Variants in TTLL4 observed in about 807,000 individuals in gnomAD.
The protein encoded by TTLL4 is tubulin tyrosine ligase like 4, also known as tubulin monoglutamylase TTLL4.
Under a neutral mutation model 122.7 loss-of-function variants are expected in TTLL4, and 85 were observed. That is an observed-to-expected ratio of 0.69 (90% CI 0.58 to 0.83). The LOEUF (loss-of-function observed/expected upper bound fraction) is 0.83. Ranked by LOEUF, TTLL4 falls within the 40% of genes least tolerant of loss-of-function variation. The pLI, the probability that TTLL4 is intolerant of heterozygous loss-of-function variation, is 0.00. For missense variants in TTLL4, 1,363 were observed against 1,488.6 expected, an observed-to-expected ratio of 0.92 and a Z score of 1.39; for synonymous variants, 553 against 563.0, an observed-to-expected ratio of 0.98 and a Z score of 0.25.
chr2:218,748,654 C>CAA (rs570493846), intron 12 of TTLL4, 182 bp from the exon 13 acceptor site: 8,255 of 227,190 alleles, frequency 0.036, 232 homozygotes, highest in African/African-American at 0.13. Context: ...AACTCCATCT[C>CAA]AAAAAAAAAA....
chr2:218,753,463 G>A, intron 18 of TTLL4, 121 bp from the exon 19 acceptor site: 2 of 1,031,282 alleles, frequency 1.9e-6, no homozygotes, highest in East Asian at 4.8e-5. Context: ...ATGCCTGAGG[G>A]GTAGGGAAGG....
At chr2:218,758,388 G>A (rs943093408), downstream of TTLL4, among the ~76,000 whole-genome samples, 3 of 152,164 alleles carry the variant, frequency 2.0e-5, no homozygotes, top group African/African-American at 7.2e-5. Context: ...CTAACAAGGT[G>A]CCTGATAATA....
At position 218,748,829 on chromosome 2, in the gene TTLL4, T is replaced by G. The variant is rs775194388; in HGVS notation, c.2502-7T>G. 1 of 1,613,254 alleles carries G rather than the reference T, an allele frequency of 6.2e-7. No homozygotes were observed. On this transcript the variant is annotated splice_region_variant and splice_polypyrimidine_tract_variant and intron_variant, in intron 12 of 19. Coordinates refer to ENST00000392102, the MANE Select transcript of TTLL4 (RefSeq NM_014640.5). ...AATTCCTAATACTTCCTCTTCCTCC[T>G]CTGCAGGGCACTGAAGGCTTTGTGG...
At chr2:218,736,124 G>A (rs755760540) in intron 2 of TTLL4, among the ~76,000 whole-genome samples, 8 of 149,712 alleles carry the variant, frequency 5.3e-5, no homozygotes, top group African/African-American at 1.5e-4. Context: ...ACAGGCATGC[G>A]CCACCATACC....
chr2:218,719,875 A>G (rs1054683252), intron 1 of TTLL4, among the ~76,000 whole-genome samples: 1 of 152,228 alleles, frequency 6.6e-6, no homozygotes, highest in Non-Finnish European at 1.5e-5. Flanking sequence ...GGAAGGGCAC[A>G]CCTTGGAGAC....
chr2:218,750,210 A>G, intron 15 of TTLL4, 64 bp downstream of exon 15: 1 of 1,577,774 alleles, frequency 6.3e-7, no homozygotes, highest in Non-Finnish European at 8.6e-7. Context: ...AGTTTCTGGG[A>G]AGGAATGGGT....
chr2:218,720,126 T>G (rs1941988753), intron 1 of TTLL4, among the ~76,000 whole-genome samples: 1 of 152,072 alleles, frequency 6.6e-6, no homozygotes, highest in Non-Finnish European at 1.5e-5. Context: ...TTTGACACAC[T>G]AGATTGAAGT....
In TTLL4 at chr2:218,754,604, C is replaced by T. The variant is rs1053680385; in HGVS notation, c.*215C>T. 47 of 648,716 alleles carry T rather than the reference C, an allele frequency of 7.2e-5. No homozygotes were observed. The Admixed American group carries it at 1.2e-3, about 17-fold the overall frequency. The allele number at this position is 648,716 out of a possible 1,614,324, so 40.2% of individuals were successfully genotyped here. A position where few individuals can be genotyped will look rare whatever the true frequency, so the allele number is the denominator to read the frequency against. On this transcript the variant is annotated 3_prime_UTR_variant, in exon 20 of 20. Transcript: ENST00000392102. ...GGTGAGGAAGGGTCACCCTCTGTCA[C>T]CTGTCTGCCTGGCTGGCACCTCATA...
At chr2:218,714,074 A>G (rs1941788530) in intron 1 of TTLL4, among the ~76,000 whole-genome samples, 1 of 152,108 alleles carries the variant, frequency 6.6e-6, no homozygotes. Context: ...AGAGTTGAGA[A>G]TATAGGAGGT....
rs747867167 is a variant in TTLL4, at chr2:218,753,132, A to T, written c.3205A>T (p.Ser1069Cys). Residue 1069 changes from serine to cysteine, a missense_variant, in exon 18 of 20, where the codon AGT becomes TGT. Ser to Cys is a moderately radical substitution (Grantham distance 112, BLOSUM62 -1). Around this residue, in one of 3 missense-constraint regions of TTLL4, gnomAD observed 596 missense variants for 655.8 expected, o/e 0.91. Transcript: ENST00000392102. ...NKLKGVDLLR[S>C]WCYKGFHMGV... ...TGTCCTAGGAGTAGATCTGCTCCGG[A>T]GTTGGTGCTACAAAGGGTTCCACAT... 1 of 1,613,910 alleles carries T rather than the reference A, an allele frequency of 6.2e-7. No homozygotes were observed. Among genetic ancestry groups the T allele is most frequent in the East Asian group, 2.2e-5 (1 of 44,848 alleles).
At chr2:218,723,374 TA>T (rs1942099494) in intron 1 of TTLL4, among the ~76,000 whole-genome samples, 1 of 152,226 alleles carries the variant, frequency 6.6e-6, no homozygotes, top group African/African-American at 2.4e-5. Flanking sequence ...GAATCACATT[TA>T]AATAGCATTT....
intron 8 of TTLL4, 23 bp from the exon 9 acceptor site, chr2:218,746,980 A>C (rs755475859): frequency 6.2e-7 from 1 of 1,611,218 alleles, no homozygotes; most frequent in Non-Finnish European, 8.5e-7. Flanking sequence ...CTCTTCCTGC[A>C]CTCACCCTTT....
At chr2:218,748,314 T>A in intron 12 of TTLL4, 87 bp downstream of exon 12, 1 of 1,550,872 alleles carries the variant, frequency 6.4e-7, no homozygotes, top group Non-Finnish European at 8.7e-7. Flanking sequence ...GCATGGCGAG[T>A]GGAGGATTAA....
rs763574915 is a variant in TTLL4 at position 218,752,887 on chromosome 2, G to A, written c.3101G>A (p.Arg1034His). ...ATTTTTCCTTCTCATATCTCCTCTC[G>A]CTATCTCCGCTTTTTTGAGCAGCCA... is the stretch of plus-strand genomic sequence containing the variant. ...ERIFPSHISS[R>H]YLRFFEQPRY... Residue 1034 changes from arginine to histidine, a missense_variant, in exon 17 of 20, where the codon CGC becomes CAC. This residue lies in a region of TTLL4 where 596 missense variants were observed against 655.8 expected (regional missense o/e 0.91). Coordinates refer to ENST00000392102, the MANE Select transcript of TTLL4 (RefSeq NM_014640.5). 69 of 1,613,916 alleles carry A rather than the reference G, an allele frequency of 4.3e-5. No homozygotes were observed. The highest frequency in any genetic ancestry group is 1.8e-4 in the East Asian group (8 of 44,896).
At chr2:218,743,702 G>A (rs1942764332) in intron 5 of TTLL4, among the ~76,000 whole-genome samples, 1 of 150,858 alleles carries the variant, frequency 6.6e-6, no homozygotes, top group Non-Finnish European at 1.5e-5. Flanking sequence ...TTTTTGAGAT[G>A]GAGTTTTGCT....
At chr2:218,732,820 G>T (rs1000884031) in intron 2 of TTLL4, among the ~76,000 whole-genome samples, 1 of 152,174 alleles carries the variant, frequency 6.6e-6, no homozygotes, top group Admixed American at 6.5e-5. Context: ...TTGAGGTTTT[G>T]ATCTCATCAG....
At chr2:218,743,664 A>G (rs1378563773) in intron 5 of TTLL4, among the ~76,000 whole-genome samples, 1 of 151,460 alleles carries the variant, frequency 6.6e-6, no homozygotes, top group Non-Finnish European at 1.5e-5. Flanking sequence ...TTACGTTTCT[A>G]TCTTTTTTGT....
chr2:218,734,008 C>T (rs1290316062), intron 2 of TTLL4, among the ~76,000 whole-genome samples: 1 of 152,086 alleles, frequency 6.6e-6, no homozygotes, highest in Non-Finnish European at 1.5e-5. Flanking sequence ...AGGAGTGTTT[C>T]CAACCTGGCT....
At position 218,754,311 on chromosome 2, in the gene TTLL4, C is replaced by T; in HGVS notation, c.3522C>T (p.Cys1174=). The T allele has an allele frequency of 1.2e-6, 2 of 1,614,184 alleles. No homozygotes were observed. The highest frequency in any genetic ancestry group is 1.1e-5 in the South Asian group (1 of 91,086). Residue 1174 remains cysteine (C), a synonymous_variant, in exon 20 of 20, where the codon TGC becomes TGT. Coordinates refer to ENST00000392102, the MANE Select transcript of TTLL4 (RefSeq NM_014640.5). ...LSTQTLPVIK[C]SGQTSRLSAS... is the part of the protein sequence containing the mutation. Reference sequence around the variant, plus strand: ...CCCAGACGTTACCTGTGATCAAGTGCTCTGGGCAGACTTCAAGACTTTCTG... The same window carrying T: ...CCCAGACGTTACCTGTGATCAAGTGTTCTGGGCAGACTTCAAGACTTTCTG...
Sources: gnomAD v4.1 joint callset for allele counts (sites outside exome capture counted in the v4.1 genomes callset) on GRCh38, gnomAD v4.1.1 for gene constraint, gnomAD v4.1.1 regional missense constraint, MANE v1.5 for transcripts, NCBI Gene and HGNC (gene_info 2026-07-23, HGNC 2026-07-21) for gene names.